The following CTNND2 variants were observed in gnomAD, a reference collection of about 807,000 sequenced individuals.
CTNND2 encodes catenin delta-2.
Under a neutral mutation model 144.4 loss-of-function variants are expected in CTNND2, and 22 were observed. The ratio of observed to expected loss-of-function variants is 0.15; its 90% CI spans 0.11 to 0.22. The LOEUF (loss-of-function observed/expected upper bound fraction) is 0.22, where lower values mean the gene tolerates loss of function less well. Ranked by LOEUF, CTNND2 falls within the 10% of genes least tolerant of loss-of-function variation. The pLI is 1.00. For synonymous variants in CTNND2, 751 were observed against 695.6 expected, an observed-to-expected ratio of 1.08 and a Z score of -1.25; for missense variants, 1,353 against 1,618.8, an observed-to-expected ratio of 0.84 and a Z score of 2.82.
chr5:11,417,898 G>C (rs1358662581), intron 3 of CTNND2, among the ~76,000 whole-genome samples: 4 of 152,106 alleles, frequency 2.6e-5, no homozygotes. Context: ...CAGCCTATGT[G>C]TTCCAGTAAT....
At chr5:11,130,453 G>A (rs905464733) in intron 12 of CTNND2, among the ~76,000 whole-genome samples, 5 of 152,144 alleles carry the variant, frequency 3.3e-5, no homozygotes, top group African/African-American at 1.2e-4. Context: ...ACACCCTCTT[G>A]CTGTCAAGTA....
chr5:11,166,349 C>T (rs137930643), intron 11 of CTNND2, among the ~76,000 whole-genome samples: 7 of 150,210 alleles, frequency 4.7e-5, no homozygotes, highest in East Asian at 2.0e-4. Flanking sequence ...CCTGGATTCA[C>T]GTCATTCTCC....
intron 3 of CTNND2, among the ~76,000 whole-genome samples, chr5:11,486,117 A>G (rs2149984704): frequency 6.6e-6 from 1 of 152,354 alleles, no homozygotes; most frequent in South Asian, 2.1e-4. Context: ...CTGCTCAGGG[A>G]TGGAAGGAAG....
chr5:11,824,876 CCAAA>C (rs897784957), intron 1 of CTNND2, among the ~76,000 whole-genome samples: 1 of 152,038 alleles, frequency 6.6e-6, no homozygotes, highest in African/African-American at 2.4e-5. Flanking sequence ...TTCTGTCACC[CCAAA>C]CAGAGTAGGG....
chr5:11,748,161 T>G (rs899826648), intron 1 of CTNND2, among the ~76,000 whole-genome samples: 1 of 151,688 alleles, frequency 6.6e-6, no homozygotes, highest in East Asian at 1.9e-4. Context: ...GACTTAGCAG[T>G]TTTTTAAATA....
intron 3 of CTNND2, among the ~76,000 whole-genome samples, chr5:11,504,257 TTGCTGC>T (rs1036031193): frequency 6.6e-6 from 1 of 152,206 alleles, no homozygotes; most frequent in Non-Finnish European, 1.5e-5. Context: ...TCTAATGCTG[TTGCTGC>T]TGCTGCTGCC....
intron 18 of CTNND2, among the ~76,000 whole-genome samples, chr5:11,007,590 G>A (rs1404713409): frequency 6.6e-6 from 1 of 152,244 alleles, no homozygotes; most frequent in Non-Finnish European, 1.5e-5. Flanking sequence ...GCTACAAAAC[G>A]GAGTCTGAAA....
chr5:11,641,723 T>C (rs772565977), intron 2 of CTNND2, among the ~76,000 whole-genome samples: 2 of 81,514 alleles, frequency 2.5e-5, no homozygotes, highest in African/African-American at 4.6e-5. Flanking sequence ...TGTATACATA[T>C]ACGTGTGTGT....
chr5:11,073,090 T>C (rs1748523843), intron 16 of CTNND2, among the ~76,000 whole-genome samples: 2 of 152,236 alleles, frequency 1.3e-5, no homozygotes, highest in Admixed American at 1.3e-4. Context: ...TTAAAAAGAA[T>C]TCATCTTTAA....
chr5:11,490,663 T>C lies in CTNND2; in HGVS notation c.287+74281A>G, dbSNP rs1261699204. Among the ~76,000 whole-genome samples, 2 of 152,218 alleles carry C rather than the reference T, an allele frequency of 1.3e-5. 1 individual carries two copies. Among genetic ancestry groups the C allele is most frequent in the African/African-American group, 4.8e-5 (2 of 41,458 alleles). On this transcript the variant is annotated intron_variant, in intron 3 of 21. Coordinates refer to ENST00000304623, the MANE Select transcript of CTNND2 (RefSeq NM_001332.4). The stretch of plus-strand genomic sequence containing the variant: ...ACACACACAGAAACACACTATGTTT[T>C]AATTTTGGTTTTTCATTGCTTAGAT...
At chr5:11,625,389 A>ATATC (rs148899512) in intron 2 of CTNND2, among the ~76,000 whole-genome samples, 1 of 140,394 alleles carries the variant, frequency 7.1e-6, no homozygotes, top group South Asian at 2.4e-4. Context: ...AAACAGAAAA[A>ATATC]TCTCTCTCTC....
intron 9 of CTNND2, among the ~76,000 whole-genome samples, chr5:11,260,813 A>G (rs1244921627): frequency 6.6e-6 from 1 of 152,236 alleles, no homozygotes. Flanking sequence ...GACAAGGACA[A>G]CCATCTTATT....
At chr5:11,376,534 T>C (rs553398673) in intron 7 of CTNND2, among the ~76,000 whole-genome samples, 1 of 152,262 alleles carries the variant, frequency 6.6e-6, no homozygotes, top group Non-Finnish European at 1.5e-5. Flanking sequence ...TATTTTCCAC[T>C]GTGCATTCTC....
At chr5:11,835,010 G>A (rs903187960) in intron 1 of CTNND2, among the ~76,000 whole-genome samples, 3 of 152,146 alleles carry the variant, frequency 2.0e-5, no homozygotes, top group Admixed American at 6.5e-5. Context: ...ATGCTGGCAC[G>A]TGTCTGTAGT....
intron 3 of CTNND2, among the ~76,000 whole-genome samples, chr5:11,422,219 T>TC (rs2149855585): frequency 7.0e-6 from 1 of 142,552 alleles, no homozygotes; most frequent in Non-Finnish European, 1.5e-5. Context: ...GTCTACCTTT[T>TC]TTTCCCCCAC....
chr5:11,326,266 G>A (rs140391333), intron 9 of CTNND2, among the ~76,000 whole-genome samples: 27 of 152,242 alleles, frequency 1.8e-4, no homozygotes, highest in African/African-American at 6.0e-4. Flanking sequence ...TTTGGTCAAC[G>A]AATCTATTTC....
intron 1 of CTNND2, among the ~76,000 whole-genome samples, chr5:11,830,576 G>A (rs1793845225): frequency 6.6e-6 from 1 of 152,204 alleles, no homozygotes; most frequent in Admixed American, 6.5e-5. Flanking sequence ...CACCAGCCAT[G>A]TGGAACTGTA....
chr5:11,782,097 T>C (rs1056146094), intron 1 of CTNND2, among the ~76,000 whole-genome samples: 12 of 152,144 alleles, frequency 7.9e-5, no homozygotes, highest in African/African-American at 2.9e-4. Context: ...CAAAGGGCAG[T>C]TCCCCTGCAC....
chr5:11,157,546 C>G (rs1758336272), intron 12 of CTNND2, among the ~76,000 whole-genome samples: 2 of 152,184 alleles, frequency 1.3e-5, no homozygotes, highest in South Asian at 4.1e-4. Flanking sequence ...CCTCCTTAGC[C>G]CTCCCCAACA....
Sources: allele counts gnomAD v4.1 joint callset (sites outside exome capture counted in the v4.1 genomes callset), GRCh38; gene constraint gnomAD v4.1.1; transcripts MANE v1.5; gene names NCBI Gene and HGNC (gene_info 2026-07-23, HGNC 2026-07-21).